Variants in EDIL3 observed in about 807,000 individuals in gnomAD.
EDIL3 encodes the protein EGF-like repeat and discoidin I-like domain-containing protein 3.
Under a neutral mutation model 67.4 loss-of-function variants are expected in EDIL3, and 37 were observed. The observed-to-expected ratio is 0.55, with a 90% CI of 0.42 to 0.72. EDIL3 has a LOEUF of 0.72. Ranked by LOEUF, EDIL3 falls within the 30% of genes least tolerant of loss-of-function variation. The probability of loss-of-function intolerance (pLI) is 0.00; values close to 1 mark genes in which losing one functional copy is unlikely to be tolerated. For missense variants in EDIL3, 527 were observed against 586.3 expected, an observed-to-expected ratio of 0.90 and a Z score of 1.04; for synonymous variants, 195 against 196.3, an observed-to-expected ratio of 0.99 and a Z score of 0.05.
intron 5 of EDIL3, among the ~76,000 whole-genome samples, chr5:84,114,155 T>G (rs1044009781): frequency 6.7e-6 from 1 of 150,204 alleles, no homozygotes. Context: ...AAAGTTTTTT[T>G]TTTTTTTTTT....
intron 9 of EDIL3, among the ~76,000 whole-genome samples, chr5:84,054,266 T>C (rs1330826162): frequency 6.6e-6 from 1 of 152,182 alleles, no homozygotes. Flanking sequence ...CAACTCTTCA[T>C]GCTAAAAACT....
intron 1 of EDIL3, among the ~76,000 whole-genome samples, chr5:84,324,417 A>G (rs145199864): frequency 9.0e-4 from 137 of 152,050 alleles, no homozygotes; most frequent in African/African-American, 3.1e-3. Flanking sequence ...CAGTGAGTAT[A>G]GTGCTAAAGA....
At chr5:84,143,970 G>C (rs528217611) in intron 4 of EDIL3, among the ~76,000 whole-genome samples, 1 of 151,958 alleles carries the variant, frequency 6.6e-6, no homozygotes, top group Non-Finnish European at 1.5e-5. Flanking sequence ...GCTTGGGGCA[G>C]GTGCTCCAGC....
chr5:84,248,630 A>G (rs1368950666), intron 2 of EDIL3, among the ~76,000 whole-genome samples: 1 of 152,170 alleles, frequency 6.6e-6, no homozygotes, highest in African/African-American at 2.4e-5. Context: ...AAATTTGTCA[A>G]ATTCAACATG....
intron 1 of EDIL3, 114 bp downstream of exon 1, chr5:84,384,194 C>A (rs1311326742): frequency 1.5e-6 from 2 of 1,335,194 alleles, no homozygotes; most frequent in East Asian, 4.9e-5. Context: ...GCGCCGCCAG[C>A]GGCGCTCGCC....
chr5:84,369,168 T>C (rs1286540314), intron 1 of EDIL3, among the ~76,000 whole-genome samples: 2 of 151,590 alleles, frequency 1.3e-5, no homozygotes. Context: ...TGAAGCCATG[T>C]TCATAGCAGC....
intron 9 of EDIL3, among the ~76,000 whole-genome samples, chr5:83,965,132 A>G (rs1208601642): frequency 6.6e-6 from 1 of 152,046 alleles, no homozygotes; most frequent in East Asian, 1.9e-4. Flanking sequence ...TCAGTCATTG[A>G]TTTTTGCAGT....
intron 2 of EDIL3, among the ~76,000 whole-genome samples, chr5:84,249,210 G>C (rs372720489): frequency 6.6e-6 from 1 of 151,778 alleles, no homozygotes; most frequent in African/African-American, 2.4e-5. Context: ...TTTGTTGTTT[G>C]TTGTAGTTTT....
At chr5:84,239,238 T>C (rs1744745689) in intron 2 of EDIL3, among the ~76,000 whole-genome samples, 1 of 152,188 alleles carries the variant, frequency 6.6e-6, no homozygotes, top group Non-Finnish European at 1.5e-5. Flanking sequence ...TCATCATTTT[T>C]GTTGACCTAC....
chr5:84,074,288 G>A (rs1746807138), intron 6 of EDIL3, among the ~76,000 whole-genome samples: 1 of 150,052 alleles, frequency 6.7e-6, no homozygotes, highest in East Asian at 2.0e-4. Context: ...ATAGGCATGG[G>A]CAAGGACTTC....
At chr5:83,993,801 T>C (rs1745190323) in intron 9 of EDIL3, among the ~76,000 whole-genome samples, 1 of 152,096 alleles carries the variant, frequency 6.6e-6, no homozygotes, top group Admixed American at 6.6e-5. Context: ...AGGGAGTGAG[T>C]GTGTTCCAAA....
chr5:84,323,145 T>G (rs565866048), intron 1 of EDIL3, among the ~76,000 whole-genome samples: 1 of 152,186 alleles, frequency 6.6e-6, no homozygotes, highest in East Asian at 1.9e-4. Context: ...TAAAAGCTAG[T>G]ATTATTGTAA....
chr5:83,983,698 C>A (rs1333653872), intron 9 of EDIL3, among the ~76,000 whole-genome samples: 1 of 149,900 alleles, frequency 6.7e-6, no homozygotes, highest in Non-Finnish European at 1.5e-5. Context: ...TAATGAGAAC[C>A]AAAAACTCAG....
At chr5:83,943,611 T>G in intron 10 of EDIL3, 43 bp from the exon 11 acceptor site, 1 of 1,593,636 alleles carries the variant, frequency 6.3e-7, no homozygotes. Context: ...ACAGCCTTCT[T>G]TCTTTGAAAT....
chr5:83,945,730 T>C (rs1477153306), intron 10 of EDIL3, among the ~76,000 whole-genome samples: 2 of 151,916 alleles, frequency 1.3e-5, no homozygotes, highest in Admixed American at 1.3e-4. Context: ...ATTTCTGATT[T>C]AATATGTGAA....
chr5:84,236,319 T>G (rs182030268), intron 2 of EDIL3, among the ~76,000 whole-genome samples: 2 of 152,222 alleles, frequency 1.3e-5, no homozygotes, highest in East Asian at 3.9e-4. Context: ...AGAACATAAT[T>G]AGGACAAATT....
intron 9 of EDIL3, among the ~76,000 whole-genome samples, chr5:83,992,131 G>A (rs1292120495): frequency 6.6e-6 from 1 of 152,060 alleles, no homozygotes; most frequent in African/African-American, 2.4e-5. Flanking sequence ...GAACAATAGT[G>A]GATATTAAGA....
In EDIL3 at chr5:84,119,980, T is replaced by C. The variant is rs75467130; in HGVS notation, c.470-13150A>G. Among the ~76,000 whole-genome samples the C allele has an allele frequency of 7.6e-3, 1,150 of 152,070 alleles. 12 individuals carry two copies. The highest frequency in any genetic ancestry group is 0.026 in the African/African-American group (1,090 of 41,520). On this transcript the variant is annotated intron_variant, in intron 5 of 10. Coordinates refer to ENST00000296591, the MANE Select transcript of EDIL3 (RefSeq NM_005711.5). Reference sequence around the variant, plus strand: ...CTGATTTCTAAGGACATAAAGGGGATGTCTTGGGAAAAAAATTCACAAAAT... The same window carrying C: ...CTGATTTCTAAGGACATAAAGGGGACGTCTTGGGAAAAAAATTCACAAAAT...
At chr5:84,293,964 T>A (rs1424010721) in intron 1 of EDIL3, among the ~76,000 whole-genome samples, 1 of 151,944 alleles carries the variant, frequency 6.6e-6, no homozygotes, top group Non-Finnish European at 1.5e-5. Flanking sequence ...ATATTATATA[T>A]CCCATTTGCA....
Sources: gnomAD v4.1 joint callset for allele counts (sites outside exome capture counted in the v4.1 genomes callset) on GRCh38, gnomAD v4.1.1 for gene constraint, MANE v1.5 for transcripts, NCBI Gene and HGNC (gene_info 2026-07-23, HGNC 2026-07-21) for gene names.